VSNL1: variants seen among roughly 807,000 people sequenced by gnomAD.
VSNL1 encodes the protein visinin like 1.
VSNL1 carries 6 observed loss-of-function variants against 20.4 expected under a neutral mutation model. The observed-to-expected ratio is 0.29, with a 90% CI of 0.16 to 0.58. The LOEUF is 0.58. Ranked by LOEUF, VSNL1 falls within the 20% of genes least tolerant of loss-of-function variation. The probability of loss-of-function intolerance (pLI) is 0.90; values close to 1 mark genes in which losing one functional copy is unlikely to be tolerated. For missense variants in VSNL1, 100 were observed against 234.5 expected (o/e 0.43, Z 3.75); for synonymous variants, 93 against 86.4 (o/e 1.08, Z -0.42).
chr2:17,573,669 C>T (rs142529993), intron 1 of VSNL1, among the ~76,000 whole-genome samples: 2 of 152,286 alleles, frequency 1.3e-5, no homozygotes, highest in Non-Finnish European at 2.9e-5. Flanking sequence ...TTGTATCCTC[C>T]ATTGCCTTAT....
chr2:17,605,051 G>A (rs1394449001), intron 2 of VSNL1, among the ~76,000 whole-genome samples: 2 of 152,206 alleles, frequency 1.3e-5, no homozygotes, highest in Admixed American at 6.5e-5. Flanking sequence ...CCCCTTGGGA[G>A]CTGTGAGTTT....
chr2:17,631,960 C>T (rs1043123662), intron 2 of VSNL1, among the ~76,000 whole-genome samples: 1 of 152,238 alleles, frequency 6.6e-6, no homozygotes, highest in African/African-American at 2.4e-5. Context: ...GATCTCAGCT[C>T]TCTACAGCCT....
chr2:17,584,181 T>A (rs1664414868), intron 1 of VSNL1, among the ~76,000 whole-genome samples: 1 of 152,130 alleles, frequency 6.6e-6, no homozygotes, highest in Admixed American at 6.5e-5. Flanking sequence ...TTTTTTTCCC[T>A]ACTACGCTAA....
At chr2:17,590,000 C>T (rs1204835274) in intron 1 of VSNL1, among the ~76,000 whole-genome samples, 1 of 152,198 alleles carries the variant, frequency 6.6e-6, no homozygotes, top group Non-Finnish European at 1.5e-5. Flanking sequence ...TATGATTGGA[C>T]ATTGGAGTCC....
chr2:17,645,857 G>T (rs1665980372), intron 2 of VSNL1, among the ~76,000 whole-genome samples: 1 of 152,168 alleles, frequency 6.6e-6, no homozygotes, highest in South Asian at 2.1e-4. Context: ...GAGCAGTCAA[G>T]GTCTGTGTAA....
At chr2:17,540,424 G>T (rs751102929), upstream of VSNL1, among the ~76,000 whole-genome samples, 20 of 152,228 alleles carry the variant, frequency 1.3e-4, no homozygotes, top group Admixed American at 1.2e-3. Flanking sequence ...GGGTTGCTCC[G>T]GTAGCCGGAC....
intron 2 of VSNL1, among the ~76,000 whole-genome samples, chr2:17,623,966 T>C (rs1224504541): frequency 2.0e-5 from 3 of 152,362 alleles, no homozygotes; most frequent in Admixed American, 6.5e-5. Context: ...AGATTCATAG[T>C]GTCGCTAGCT....
intron 1 of VSNL1, among the ~76,000 whole-genome samples, chr2:17,552,301 C>A (rs1663563337): frequency 6.6e-6 from 1 of 151,824 alleles, no homozygotes; most frequent in South Asian, 2.1e-4. Flanking sequence ...TAAGTGTCTG[C>A]AAGGTTAGCT....
At chr2:17,640,020 C>T (rs972145548) in intron 2 of VSNL1, among the ~76,000 whole-genome samples, 4 of 152,072 alleles carry the variant, frequency 2.6e-5, no homozygotes, top group Non-Finnish European at 5.9e-5. Context: ...GAGGCCAAGG[C>T]GGGAAGATCA....
At chr2:17,579,211 G>A (rs560167759) in intron 1 of VSNL1, among the ~76,000 whole-genome samples, 1 of 152,020 alleles carries the variant, frequency 6.6e-6, no homozygotes, top group Non-Finnish European at 1.5e-5. Flanking sequence ...CGCCTCCCGG[G>A]TTCATGCCAT....
intron 1 of VSNL1, among the ~76,000 whole-genome samples, chr2:17,544,633 A>G (rs909346074): frequency 2.6e-5 from 4 of 152,226 alleles, no homozygotes; most frequent in African/African-American, 9.6e-5. Flanking sequence ...CAGCATCAGT[A>G]TCAAACATAT....
chr2:17,623,602 G>A (rs991466980), intron 2 of VSNL1, among the ~76,000 whole-genome samples: 29 of 149,944 alleles, frequency 1.9e-4, no homozygotes, highest in Admixed American at 8.7e-4. Context: ...CCTGGGAGGC[G>A]GAGCTTGCAG....
chr2:17,635,689 T>TAA (rs1665733244), intron 2 of VSNL1, among the ~76,000 whole-genome samples: 1 of 152,220 alleles, frequency 6.6e-6, no homozygotes, highest in African/African-American at 2.4e-5. Context: ...TTGTGAGAAT[T>TAA]ACATTAAAAC....
chr2:17,641,384 A>G (rs1205415629), intron 2 of VSNL1, among the ~76,000 whole-genome samples: 1 of 152,222 alleles, frequency 6.6e-6, no homozygotes, highest in Non-Finnish European at 1.5e-5. Flanking sequence ...AGTGCCATTT[A>G]AAATTAATAA....
At chr2:17,587,477 G>T (rs1467271925) in intron 1 of VSNL1, among the ~76,000 whole-genome samples, 1 of 151,828 alleles carries the variant, frequency 6.6e-6, no homozygotes, top group Admixed American at 6.6e-5. Flanking sequence ...CTCCCTTGTA[G>T]GCCCTTTCCA....
chr2:17,542,137 A>C lies in VSNL1; in HGVS notation c.-6+1219A>C, dbSNP rs1417165655. Among the ~76,000 whole-genome samples, 5 of 152,308 alleles carry C rather than the reference A, an allele frequency of 3.3e-5. No individual in the cohort carries two copies. In the East Asian group the frequency reaches 9.6e-4, roughly 29 times the overall value. ...TTCTAAAGGAATTTCAGGTTGAGAC[A>C]AATTTAAAATGAAACTCTTGTGAAA... On this transcript the variant is annotated intron_variant, in intron 1 of 3. Coordinates refer to ENST00000295156, the MANE Select transcript of VSNL1 (RefSeq NM_003385.5).
At chr2:17,541,833 C>T (rs1663291124) in intron 1 of VSNL1, among the ~76,000 whole-genome samples, 1 of 152,090 alleles carries the variant, frequency 6.6e-6, no homozygotes, top group Admixed American at 6.5e-5. Flanking sequence ...CTCAGGGGTA[C>T]AAGAATGTGT....
intron 2 of VSNL1, among the ~76,000 whole-genome samples, chr2:17,628,046 G>C (rs1051619051): frequency 1.3e-5 from 2 of 152,256 alleles, no homozygotes; most frequent in Non-Finnish European, 2.9e-5. Context: ...TGCAAAGGCA[G>C]CTTCACATCT....
intron 3 of VSNL1, among the ~76,000 whole-genome samples, chr2:17,654,624 C>T (rs1666187189): frequency 6.6e-6 from 1 of 152,226 alleles, no homozygotes; most frequent in Admixed American, 6.5e-5. Context: ...CTGGAAGCCA[C>T]CCCAAATTCT....
Sources: gnomAD v4.1 joint callset for allele counts (sites outside exome capture counted in the v4.1 genomes callset) on GRCh38, gnomAD v4.1.1 for gene constraint, MANE v1.5 for transcripts, NCBI Gene and HGNC (gene_info 2026-07-23, HGNC 2026-07-21) for gene names.